The following MCM3 variants were observed in gnomAD, a reference collection of about 807,000 sequenced individuals.
MCM3 encodes the protein DNA replication licensing factor MCM3.
In MCM3, 59 loss-of-function variants were observed where a neutral mutation model predicts 91.3. That is an observed-to-expected ratio of 0.65 (90% CI 0.52 to 0.80). The LOEUF (loss-of-function observed/expected upper bound fraction) is 0.80, where lower values mean the gene tolerates loss of function less well. Ranked by LOEUF, MCM3 falls within the 30% of genes least tolerant of loss-of-function variation. The pLI is 0.00. For synonymous variants in MCM3, 383 were observed against 379.6 expected (o/e 1.01, Z -0.10); for missense variants, 919 against 1,035.4 (o/e 0.89, Z 1.54).
intron 4 of MCM3, among the ~76,000 whole-genome samples, chr6:52,279,854 T>C (rs1765919764): frequency 6.6e-6 from 1 of 152,244 alleles, no homozygotes; most frequent in Non-Finnish European, 1.5e-5. Context: ...CCTCTAAAGC[T>C]GAATATATGC....
intron 13 of MCM3, 83 bp downstream of exon 13, chr6:52,269,003 C>G: frequency 7.0e-7 from 1 of 1,426,876 alleles, no homozygotes; most frequent in Non-Finnish European, 9.5e-7. Context: ...CAAATGTAGC[C>G]GTCAGCCACG....
chr6:52,276,458 G>C lies in MCM3; in HGVS notation c.1184C>G (p.Ala395Gly), dbSNP rs1765572125. ...DQETGERRLE[A>G]GAMVLADRGV... The stretch of plus-strand genomic sequence containing the variant: ...TCGGTCAGCCAGGACCATGGCCCCT[G>C]CTTCCAGACGGCGCTCTCCTGGGAA... Residue 395 changes from alanine (A) to glycine (G), a missense_variant, in exon 9 of 17, where the codon GCA becomes GGA. Transcript: ENST00000596288. The C allele has an allele frequency of 6.2e-7, 1 of 1,614,170 alleles. No individual in the cohort carries two copies. Among genetic ancestry groups the C allele is most frequent in the Admixed American group, 1.7e-5 (1 of 60,026 alleles).
At chr6:52,270,907 G>A (rs560606746) in intron 12 of MCM3, among the ~76,000 whole-genome samples, 6 of 152,258 alleles carry the variant, frequency 3.9e-5, no homozygotes, top group East Asian at 1.9e-4. Flanking sequence ...GATGCTCTGC[G>A]CATGCTGTCA....
intron 4 of MCM3, 54 bp downstream of exon 4, chr6:52,281,991 C>G (rs1766139265): frequency 6.3e-6 from 10 of 1,584,994 alleles, no homozygotes; most frequent in Non-Finnish European, 8.6e-6. Context: ...TGCCTTAAAA[C>G]AGGTATCTTT....
At chr6:52,277,508 G>C in intron 7 of MCM3, 27 bp downstream of exon 7, 1 of 1,599,628 alleles carries the variant, frequency 6.3e-7, no homozygotes. Flanking sequence ...CAGAACAACA[G>C]TCTAAAGCAA....
chr6:52,279,728 T>A, intron 4 of MCM3, 129 bp from the exon 5 acceptor site: 1 of 691,640 alleles, frequency 1.4e-6, no homozygotes, highest in Non-Finnish European at 2.4e-6. Flanking sequence ...GCCAAGTACC[T>A]TCTCTAGCTT....
At chr6:52,283,753 T>G (rs1766371945) in intron 1 of MCM3, among the ~76,000 whole-genome samples, 3 of 152,246 alleles carry the variant, frequency 2.0e-5, no homozygotes, top group Admixed American at 2.0e-4. Flanking sequence ...GTTAAAATGT[T>G]AAGTTAAACC....
chr6:52,268,375 G>A (rs3811082), intron 13 of MCM3, among the ~76,000 whole-genome samples: 11,724 of 151,622 alleles, frequency 0.077, 585 homozygotes, highest in East Asian at 0.14. Flanking sequence ...AGCAAAAAGC[G>A]AGGAAGAGTT....
rs1435994971 is a variant in MCM3 at position 52,284,568 on chromosome 6, TAG to T, written c.78+27_78+28del. ...CCGCGTCCGCAGGGGCTCCGAGCGC[TAG>T]AGCCCGCGCGCCGGCGCCTCCCTCA... On this transcript the variant is annotated intron_variant, in intron 1 of 16. Transcript: ENST00000596288. 7 of 1,579,324 alleles carry T rather than the reference TAG, an allele frequency of 4.4e-6. No individual in the cohort carries two copies. In the Admixed American group the frequency reaches 1.1e-4, roughly 24 times the overall value.
At chr6:52,279,880 G>A (rs1765924349) in intron 4 of MCM3, among the ~76,000 whole-genome samples, 2 of 152,166 alleles carry the variant, frequency 1.3e-5, no homozygotes, top group South Asian at 4.1e-4. Flanking sequence ...TTCTGAAGCA[G>A]TTTTTCCACT....
At chr6:52,272,249 G>A (rs985930522) in intron 12 of MCM3, 52 bp downstream of exon 12, 85 of 1,555,964 alleles carry the variant, frequency 5.5e-5, no homozygotes, top group Non-Finnish European at 7.1e-5. Flanking sequence ...AGGGACTCCT[G>A]CCCAGCCATA....
intron 12 of MCM3, among the ~76,000 whole-genome samples, chr6:52,270,310 C>G (rs944882761): frequency 2.4e-5 from 3 of 126,908 alleles, no homozygotes; most frequent in African/African-American, 9.1e-5. Context: ...GCCTGGGCAA[C>G]AGAGCGAGAT....
intron 3 of MCM3, 122 bp downstream of exon 3, chr6:52,282,531 C>G: frequency 6.0e-6 from 5 of 829,056 alleles, no homozygotes; most frequent in Non-Finnish European, 9.7e-6. Context: ...CCAAGTTTTA[C>G]CACGTAATTC....
In MCM3 at chr6:52,281,676, TA is replaced by T. The variant is rs964868982; in HGVS notation, c.531+368del. 2.4e-3 allele frequency among the ~76,000 whole-genome samples: 354 copies of T among 145,470 alleles called. 1 individual carries two copies. Among genetic ancestry groups the T allele is most frequent in the African/African-American group, 7.3e-3 (290 of 39,814 alleles). Reference sequence around the variant, plus strand: ...GCCTGAGAGAGACAGATCCCGTCTCTAAAAAAAAAAATAAGAATTGTGAAGC... The same window carrying T: ...GCCTGAGAGAGACAGATCCCGTCTCTAAAAAAAAAATAAGAATTGTGAAGC... On this transcript the variant is annotated intron_variant, in intron 4 of 16. Coordinates refer to ENST00000596288, the MANE Select transcript of MCM3 (RefSeq NM_002388.6).
chr6:52,282,690 G>A lies in MCM3; in HGVS notation c.363C>T (p.Leu121=). 1 of 1,613,740 alleles carries A rather than the reference G, an allele frequency of 6.2e-7. No homozygotes were observed. Among genetic ancestry groups the A allele is most frequent in the Non-Finnish European group, 8.5e-7 (1 of 1,180,020 alleles). Residue 121 remains leucine, a synonymous_variant, in exon 3 of 17, where the codon CTC becomes CTT. Transcript: ENST00000596288. ...TGCCCTCCACACAGACCACACAGCT[G>A]AGGAAGCAGGAGGTAAGAGTCCGCG... is the stretch of plus-strand genomic sequence containing the variant. ...VSPRTLTSCF[L]SCVVCVEGIV...
chr6:52,270,532 A>G (rs927964580), intron 12 of MCM3, among the ~76,000 whole-genome samples: 2 of 152,152 alleles, frequency 1.3e-5, no homozygotes, highest in African/African-American at 4.8e-5. Context: ...ATAATTTAGA[A>G]AGCTACCGGA....
chr6:52,264,639 C>T lies in MCM3; in HGVS notation c.2376G>A (p.Met792Ile). 6.2e-7 allele frequency: 1 copy of T among 1,614,184 alleles called. No individual in the cohort carries two copies. The highest frequency in any genetic ancestry group is 8.5e-7 in the Non-Finnish European group (1 of 1,180,040). Residue 792 changes from methionine to isoleucine, a missense_variant, in exon 17 of 17, where the codon ATG (methionine) becomes ATA (isoleucine). Met to Ile is a conservative substitution (Grantham distance 10). Coordinates refer to ENST00000596288, the MANE Select transcript of MCM3 (RefSeq NM_002388.6). ...ACACCATGACCTGATTGTCATCCTG[C>T]ATCTTGCTCAGAGCAGCCTGGATCT... ...SVEIQAALSK[M>I]QDDNQVMVSE... is the part of the protein sequence containing the mutation.
At chr6:52,278,070 C>CAAAAAAAAAAAAAAAAAAAAAAA (rs61625257) in intron 6 of MCM3, among the ~76,000 whole-genome samples, 1 of 38,962 alleles carries the variant, frequency 2.6e-5, no homozygotes, top group Non-Finnish European at 4.1e-5. Flanking sequence ...TCCGTCTCAC[C>CAAAAAAAAAAAAAAAAAAAAAAA]AAAAAAAAAA....
At chr6:52,276,524 G>T in intron 8 of MCM3, 48 bp from the exon 9 acceptor site, 1 of 1,451,154 alleles carries the variant, frequency 6.9e-7, no homozygotes, top group Admixed American at 1.9e-5. Context: ...AGGTTATAGG[G>T]GCCAGAAGGG....
Sources: allele counts gnomAD v4.1 joint callset (sites outside exome capture counted in the v4.1 genomes callset), GRCh38; gene constraint gnomAD v4.1.1; transcripts MANE v1.5; gene names NCBI Gene and HGNC (gene_info 2026-07-23, HGNC 2026-07-21).